The following AGBL4 variants were observed in gnomAD, a reference collection of about 807,000 sequenced individuals.
The protein encoded by AGBL4 is AGBL carboxypeptidase 4.
Under a neutral mutation model 66.4 loss-of-function variants are expected in AGBL4, and 58 were observed. That is an observed-to-expected ratio of 0.87 (90% CI 0.71 to 1.09). AGBL4 has a LOEUF of 1.09. Among genes scored for constraint, AGBL4 ranks in the 50% least tolerant of loss-of-function variants. The pLI is 0.00. For missense variants in AGBL4, 579 were observed against 631.0 expected (o/e 0.92, Z 0.88); for synonymous variants, 234 against 222.9 (o/e 1.05, Z -0.44).
intron 6 of AGBL4, among the ~76,000 whole-genome samples, chr1:48,769,338 G>C (rs930365253): frequency 3.3e-5 from 5 of 152,014 alleles, no homozygotes; most frequent in Admixed American, 3.3e-4. Context: ...CTTGGTACAG[G>C]ACTGGGGCAC....
chr1:49,171,789 A>T (rs1646742896), intron 4 of AGBL4, among the ~76,000 whole-genome samples: 1 of 152,192 alleles, frequency 6.6e-6, no homozygotes, highest in Non-Finnish European at 1.5e-5. Context: ...CTAATATACT[A>T]CATGTATATG....
At chr1:49,610,065 C>G (rs1204076452) in intron 3 of AGBL4, among the ~76,000 whole-genome samples, 1 of 151,414 alleles carries the variant, frequency 6.6e-6, no homozygotes, top group Non-Finnish European at 1.5e-5. Flanking sequence ...CAAATGCAGG[C>G]AATAGAAAAT....
intron 1 of AGBL4, among the ~76,000 whole-genome samples, chr1:49,978,408 C>T (rs751925692): frequency 1.9e-4 from 29 of 152,090 alleles, no homozygotes; most frequent in Non-Finnish European, 5.9e-5. Flanking sequence ...TGTGCCACTG[C>T]CCTCTAGCCT....
intron 3 of AGBL4, among the ~76,000 whole-genome samples, chr1:49,576,065 T>G (rs1044323080): frequency 1.3e-5 from 2 of 152,162 alleles, no homozygotes; most frequent in African/African-American, 2.4e-5. Context: ...CAGTAAAATT[T>G]CTAGGGTACA....
chr1:49,095,490 G>C (rs1447543434), intron 4 of AGBL4, among the ~76,000 whole-genome samples: 1 of 151,928 alleles, frequency 6.6e-6, no homozygotes, highest in Non-Finnish European at 1.5e-5. Context: ...AACAGAGATA[G>C]ATATAGACCA....
chr1:48,772,434 C>A (rs1406156244), intron 6 of AGBL4, among the ~76,000 whole-genome samples: 4 of 152,100 alleles, frequency 2.6e-5, no homozygotes, highest in Non-Finnish European at 5.9e-5. Context: ...AGGCAGAGGC[C>A]CCATATCAGA....
intron 9 of AGBL4, among the ~76,000 whole-genome samples, chr1:48,600,612 A>G (rs1645061353): frequency 6.6e-6 from 1 of 152,222 alleles, no homozygotes; most frequent in Admixed American, 6.5e-5. Context: ...ATAACATCAT[A>G]TAAGGAAACC....
At chr1:49,495,960 C>A (rs1016392048) in intron 3 of AGBL4, among the ~76,000 whole-genome samples, 3 of 151,918 alleles carry the variant, frequency 2.0e-5, no homozygotes, top group Non-Finnish European at 4.4e-5. Flanking sequence ...AGGGTATGGA[C>A]ATAGAGGGAT....
chr1:49,184,900 C>G (rs1164710477), intron 4 of AGBL4, among the ~76,000 whole-genome samples: 1 of 152,128 alleles, frequency 6.6e-6, no homozygotes, highest in Non-Finnish European at 1.5e-5. Context: ...GAGATTTAAA[C>G]ATGGTGTTGG....
intron 4 of AGBL4, among the ~76,000 whole-genome samples, chr1:49,066,919 G>A (rs756242795): frequency 2.6e-5 from 4 of 152,170 alleles, no homozygotes; most frequent in African/African-American, 7.2e-5. Context: ...ACTCAAAGCT[G>A]TATATGGATA....
chr1:49,825,287 C>T (rs1557484279), intron 2 of AGBL4, among the ~76,000 whole-genome samples: 1 of 152,040 alleles, frequency 6.6e-6, no homozygotes, highest in Admixed American at 6.6e-5. Context: ...TATTTCTATT[C>T]CATGAAAACA....
chr1:49,538,768 T>C (rs1651795427), intron 3 of AGBL4, among the ~76,000 whole-genome samples: 1 of 152,210 alleles, frequency 6.6e-6, no homozygotes, highest in African/African-American at 2.4e-5. Flanking sequence ...ATCTAATTGG[T>C]AAAGATGCAA....
intron 3 of AGBL4, among the ~76,000 whole-genome samples, chr1:49,299,023 A>G (rs1570376318): frequency 6.6e-6 from 1 of 152,120 alleles, no homozygotes; most frequent in East Asian, 1.9e-4. Flanking sequence ...AACAATGACC[A>G]TTGCCGTTTA....
chr1:49,702,254 A>G (rs1412172176), intron 2 of AGBL4, among the ~76,000 whole-genome samples: 1 of 152,172 alleles, frequency 6.6e-6, no homozygotes, highest in Non-Finnish European at 1.5e-5. Context: ...GCACTTTGGG[A>G]GGCCAAGGCA....
intron 5 of AGBL4, among the ~76,000 whole-genome samples, chr1:48,989,900 A>G (rs542833869): frequency 6.6e-6 from 1 of 152,186 alleles, no homozygotes; most frequent in South Asian, 2.1e-4. Context: ...TATATCCAAT[A>G]GTGTGATTGC....
At chr1:49,178,056 C>G (rs1247933108) in intron 4 of AGBL4, among the ~76,000 whole-genome samples, 1 of 152,054 alleles carries the variant, frequency 6.6e-6, no homozygotes, top group Non-Finnish European at 1.5e-5. Flanking sequence ...GGCCAAATGA[C>G]AGAGTCTAGA....
At chr1:48,669,994 T>C (rs1221612342) in intron 6 of AGBL4, among the ~76,000 whole-genome samples, 1 of 152,126 alleles carries the variant, frequency 6.6e-6, no homozygotes, top group Non-Finnish European at 1.5e-5. Flanking sequence ...GGGTTAGGGA[T>C]CAAATGTTCT....
At chr1:49,171,928 T>C (rs1196957440) in intron 4 of AGBL4, among the ~76,000 whole-genome samples, 1 of 152,186 alleles carries the variant, frequency 6.6e-6, no homozygotes, top group Non-Finnish European at 1.5e-5. Flanking sequence ...ATCCCTATTA[T>C]CACTATCTTA....
chr1:48,657,139 C>T (rs1481941885), intron 7 of AGBL4, among the ~76,000 whole-genome samples: 1 of 152,186 alleles, frequency 6.6e-6, no homozygotes, highest in Non-Finnish European at 1.5e-5. Context: ...CTCTCTCTGC[C>T]ATTCATTTGC....
Sources: gnomAD v4.1 joint callset for allele counts (sites outside exome capture counted in the v4.1 genomes callset) on GRCh38, gnomAD v4.1.1 for gene constraint, MANE v1.5 for transcripts, NCBI Gene and HGNC (gene_info 2026-07-23, HGNC 2026-07-21) for gene names.